TENM2: variants seen among roughly 807,000 people sequenced by gnomAD.
TENM2 encodes teneurin-2.
Under a neutral mutation model 245.2 loss-of-function variants are expected in TENM2, and 52 were observed. The observed-to-expected ratio is 0.21, with a 90% CI of 0.17 to 0.27. The LOEUF is 0.27. TENM2 is among the 10% of genes least tolerant of loss of function. The probability of loss-of-function intolerance (pLI) is 1.00; values close to 1 mark genes in which losing one functional copy is unlikely to be tolerated. For synonymous variants in TENM2, 1,363 were observed against 1,438.9 expected (o/e 0.95, Z 1.19); for missense variants, 3,046 against 3,666.8 (o/e 0.83, Z 4.37).
intron 1 of TENM2, among the ~76,000 whole-genome samples, chr5:167,290,703 A>G (rs1561839399): frequency 6.6e-6 from 1 of 152,076 alleles, no homozygotes; most frequent in African/African-American, 2.4e-5. Flanking sequence ...GAAAGATACT[A>G]TCTAACAACT....
At chr5:166,982,734 A>G in the TENM2 span, among the ~76,000 whole-genome samples, 252 of 152,148 alleles carry the variant, frequency 1.7e-3, 1 homozygote, top group African/African-American at 5.8e-3. Context: ...CTCATAGTAT[A>G]TACCACAGAT....
chr5:167,208,686 G>A, the TENM2 span, among the ~76,000 whole-genome samples: 1 of 152,154 alleles, frequency 6.6e-6, no homozygotes, highest in African/African-American at 2.4e-5. Context: ...CTTAATAAAC[G>A]GAACATCTTC....
At chr5:167,509,363 T>C (rs1769769392) in intron 2 of TENM2, among the ~76,000 whole-genome samples, 1 of 152,216 alleles carries the variant, frequency 6.6e-6, no homozygotes, top group Non-Finnish European at 1.5e-5. Flanking sequence ...TATTTAGAGA[T>C]AGTTTTGCTT....
chr5:167,743,118 T>C (rs1761307636), intron 2 of TENM2, among the ~76,000 whole-genome samples: 1 of 152,352 alleles, frequency 6.6e-6, no homozygotes, highest in South Asian at 2.1e-4. Context: ...GGTTGTCTTT[T>C]GTCTTTTAGT....
chr5:167,086,180 C>G, the TENM2 span, among the ~76,000 whole-genome samples: 2 of 152,222 alleles, frequency 1.3e-5, no homozygotes, highest in East Asian at 3.8e-4. Context: ...TGGAATGACT[C>G]TTCAGAATTC....
At chr5:167,372,495 C>T (rs559753635) in intron 1 of TENM2, among the ~76,000 whole-genome samples, 1 of 152,322 alleles carries the variant, frequency 6.6e-6, no homozygotes, top group South Asian at 2.1e-4. Context: ...ACAAAGCCTC[C>T]TGTCCTCATA....
chr5:167,728,136 C>G (rs1010703328), intron 2 of TENM2, among the ~76,000 whole-genome samples: 4 of 152,126 alleles, frequency 2.6e-5, no homozygotes, highest in Non-Finnish European at 4.4e-5. Context: ...TGTTGCTATT[C>G]TTGAAATTCT....
chr5:167,489,103 A>T (rs771824645), intron 2 of TENM2, among the ~76,000 whole-genome samples: 1 of 152,206 alleles, frequency 6.6e-6, no homozygotes, highest in Non-Finnish European at 1.5e-5. Context: ...CTTTCTTAGC[A>T]GGTTGTCCTA....
the TENM2 span, among the ~76,000 whole-genome samples, chr5:167,205,273 C>T: frequency 7.2e-5 from 11 of 152,210 alleles, no homozygotes; most frequent in East Asian, 1.9e-3. Flanking sequence ...CTCAGCTACT[C>T]GAGAGGCTGA....
At chr5:166,998,270 T>C in the TENM2 span, among the ~76,000 whole-genome samples, 1 of 152,144 alleles carries the variant, frequency 6.6e-6, no homozygotes, top group Non-Finnish European at 1.5e-5. Flanking sequence ...TGGTGAGTGA[T>C]CCAATCAGGA....
chr5:166,999,633 A>G, the TENM2 span, among the ~76,000 whole-genome samples: 5 of 152,284 alleles, frequency 3.3e-5, no homozygotes, highest in East Asian at 9.7e-4. Flanking sequence ...GGAAGTGGGA[A>G]GGAAAGGAGG....
intron 2 of TENM2, among the ~76,000 whole-genome samples, chr5:167,446,229 G>A (rs867783062): frequency 2.0e-5 from 3 of 152,138 alleles, no homozygotes; most frequent in Non-Finnish European, 4.4e-5. Context: ...TCTGAAAGGC[G>A]AGTGAACACT....
intron 13 of TENM2, among the ~76,000 whole-genome samples, chr5:168,163,343 T>C (rs1242914809): frequency 2.6e-5 from 4 of 152,226 alleles, no homozygotes; most frequent in Non-Finnish European, 4.4e-5. Flanking sequence ...AAGCTAAAAA[T>C]AGTTTTAACA....
chr5:167,589,912 C>T (rs1045723100), intron 2 of TENM2, among the ~76,000 whole-genome samples: 3 of 151,428 alleles, frequency 2.0e-5, no homozygotes, highest in African/African-American at 7.3e-5. Context: ...AAACAATATA[C>T]AAACAAAAGT....
intron 8 of TENM2, among the ~76,000 whole-genome samples, chr5:168,093,391 A>G (rs896382945): frequency 2.0e-5 from 3 of 152,212 alleles, no homozygotes; most frequent in African/African-American, 7.2e-5. Flanking sequence ...TGATGGAGCA[A>G]TGATAGTAAT....
intron 13 of TENM2, among the ~76,000 whole-genome samples, chr5:168,170,000 T>C (rs1758654785): frequency 6.6e-6 from 1 of 152,234 alleles, no homozygotes; most frequent in Admixed American, 6.5e-5. Context: ...GCTGGCCAGA[T>C]GCTGGGTCTC....
chr5:167,183,323 T>C, the TENM2 span, among the ~76,000 whole-genome samples: 3 of 152,294 alleles, frequency 2.0e-5, no homozygotes, highest in African/African-American at 7.2e-5. Flanking sequence ...AGTGTGCAAA[T>C]CTGATATGTA....
At chr5:167,086,617 G>A in the TENM2 span, among the ~76,000 whole-genome samples, 2 of 151,994 alleles carry the variant, frequency 1.3e-5, no homozygotes. Flanking sequence ...GAATATGCCT[G>A]GAAGCATGAG....
At chr5:167,263,399 G>T in the TENM2 span, among the ~76,000 whole-genome samples, 3 of 152,142 alleles carry the variant, frequency 2.0e-5, no homozygotes, top group Admixed American at 6.6e-5. Context: ...GAAGCCATGG[G>T]AGTATATGCA....
Sources: gnomAD v4.1 joint callset for allele counts (sites outside exome capture counted in the v4.1 genomes callset) on GRCh38, gnomAD v4.1.1 for gene constraint, MANE v1.5 for transcripts, NCBI Gene and HGNC (gene_info 2026-07-23, HGNC 2026-07-21) for gene names.